FAM89A: variants seen among roughly 807,000 people sequenced by gnomAD.
The protein encoded by FAM89A is family with sequence similarity 89 member A.
Under a neutral mutation model 7.1 loss-of-function variants are expected in FAM89A, and 10 were observed. The ratio of observed to expected loss-of-function variants is 1.40; its 90% CI spans 0.86 to 2.38. The LOEUF (loss-of-function observed/expected upper bound fraction) is 2.38. Among genes scored for constraint, FAM89A ranks in the 30% most tolerant of loss-of-function variants. The pLI is 0.00. For missense variants in FAM89A, 276 were observed against 262.8 expected (o/e 1.05, Z -0.35); for synonymous variants, 157 against 129.3 (o/e 1.21, Z -1.45).
chr1:231,032,482 AG>A (rs1680092008), intron 1 of FAM89A, among the ~76,000 whole-genome samples: 1 of 149,924 alleles, frequency 6.7e-6, no homozygotes, highest in Non-Finnish European at 1.5e-5. Flanking sequence ...TCAGTCTTGG[AG>A]GTACAACATG....
In FAM89A at chr1:231,020,100, G is replaced by A; in HGVS notation, c.318C>T (p.Ser106=). 1 of 1,612,130 alleles carries A rather than the reference G, an allele frequency of 6.2e-7. No individual in the cohort carries two copies. Among genetic ancestry groups the A allele is most frequent in the Non-Finnish European group, 8.5e-7 (1 of 1,178,556 alleles). ...EMVGLRQLDM[S]LLCQLYSLYE... Reference sequence around the variant, plus strand: ...AGAGGCTGTACAGTTGGCAGAGCAAGGACATGTCCAGCTGGCGGAGACCAA... The same window carrying A: ...AGAGGCTGTACAGTTGGCAGAGCAAAGACATGTCCAGCTGGCGGAGACCAA... The change falls in exon 2 of 2, where the codon TCC becomes TCT. Residue 106 remains serine (S), a synonymous_variant. Transcript: ENST00000366654.
chr1:231,030,027 G>A (rs974827499), intron 1 of FAM89A, among the ~76,000 whole-genome samples: 3 of 152,174 alleles, frequency 2.0e-5, no homozygotes, highest in Non-Finnish European at 4.4e-5. Context: ...AGTTGGAGAC[G>A]GGCTATGAGC....
chr1:231,031,670 T>C (rs1372470577), intron 1 of FAM89A, among the ~76,000 whole-genome samples: 1 of 152,232 alleles, frequency 6.6e-6, no homozygotes, highest in African/African-American at 2.4e-5. Flanking sequence ...TTGTAGTAGT[T>C]TAGCATATAT....
At chr1:231,033,095 C>CT (rs1012150829) in intron 1 of FAM89A, among the ~76,000 whole-genome samples, 1 of 152,230 alleles carries the variant, frequency 6.6e-6, no homozygotes, top group Non-Finnish European at 1.5e-5. Flanking sequence ...GGGTGACCAT[C>CT]TGTGTTAAGT....
At chr1:231,021,990 C>T (rs1439425806) in intron 1 of FAM89A, 26 of 1,325,512 alleles carry the variant, frequency 2.0e-5, no homozygotes, top group Non-Finnish European at 2.6e-5. Context: ...CTCAGGCCCT[C>T]GGGTACTGTC....
rs544057376 is a variant in FAM89A at position 231,037,883 on chromosome 1, G to A, written c.291+2038C>T. On this transcript the variant is annotated intron_variant, in intron 1 of 1. Coordinates refer to ENST00000366654, the MANE Select transcript of FAM89A (RefSeq NM_198552.3). ...CTTTAAAAAAAAAAATTTCTTTAAG[G>A]CATTTATCACATTCTACCATGACAT... Among the ~76,000 whole-genome samples, 5 of 152,052 alleles carry A rather than the reference G, an allele frequency of 3.3e-5. No individual in the cohort carries two copies. The South Asian group carries it at 1.0e-3, about 32-fold the overall frequency.
intron 1 of FAM89A, among the ~76,000 whole-genome samples, chr1:231,023,532 C>A (rs1477190004): frequency 6.6e-6 from 1 of 152,216 alleles, no homozygotes; most frequent in East Asian, 1.9e-4. Context: ...GGGAAAGGGG[C>A]CACTTCTGGC....
intron 1 of FAM89A, among the ~76,000 whole-genome samples, chr1:231,028,028 G>T (rs905548715): frequency 1.3e-5 from 2 of 152,226 alleles, no homozygotes; most frequent in African/African-American, 4.8e-5. Context: ...CAGAAACTCA[G>T]AGCAGACAGG....
rs548182606 is a variant in FAM89A at position 231,035,492 on chromosome 1, C to T, written c.291+4429G>A. 1.1e-4 allele frequency among the ~76,000 whole-genome samples: 17 copies of T among 152,236 alleles called. No individual in the cohort carries two copies. The South Asian group carries it at 1.2e-3, about 11-fold the overall frequency. On this transcript the variant is annotated intron_variant, in intron 1 of 1. Transcript: ENST00000366654. ...ATGCTGCTCCTCAAAGATCTCCTGC[C>T]CCCAGGGCTGAAGGTCTTTGTGTCT... is the stretch of plus-strand genomic sequence containing the variant.
At chr1:231,025,157 T>C (rs1373616496) in intron 1 of FAM89A, among the ~76,000 whole-genome samples, 1 of 151,116 alleles carries the variant, frequency 6.6e-6, no homozygotes, top group Non-Finnish European at 1.5e-5. Flanking sequence ...CTTCTGACCT[T>C]GTGATCCACC....
At chr1:231,022,970 A>C (rs1309004705) in intron 1 of FAM89A, among the ~76,000 whole-genome samples, 1 of 152,114 alleles carries the variant, frequency 6.6e-6, no homozygotes, top group Non-Finnish European at 1.5e-5. Context: ...AGGACATGCA[A>C]GATAAATAGG....
chr1:231,024,520 GCACACACACA>G (rs3220109), intron 1 of FAM89A, among the ~76,000 whole-genome samples: 3 of 144,436 alleles, frequency 2.1e-5, no homozygotes, highest in African/African-American at 7.7e-5. Context: ...TACATTGCAT[GCACACACACA>G]CACACACACA....
Position 231,039,932 on chromosome 1 carries a change from G to C in FAM89A, c.280C>G (p.Arg94Gly). Residue 94 changes from arginine (R) to glycine (G), a missense_variant, in exon 1 of 2, where the codon CGC becomes GGC. Coordinates refer to ENST00000366654, the MANE Select transcript of FAM89A (RefSeq NM_198552.3). ...PNLDAALALLRKEMVGLRQLD... is the reference protein window; with the variant it reads ...PNLDAALALLGKEMVGLRQLD... ...GGAGCCCCACTCACCATCTCTTTGC[G>C]GAGCAGCGCCAGAGCGGCGTCCAGG... 4 of 1,339,908 alleles carry C rather than the reference G, an allele frequency of 3.0e-6. No individual in the cohort carries two copies. Among genetic ancestry groups the C allele is most frequent in the East Asian group, 3.1e-5 (1 of 32,276 alleles). The allele number at this position is 1,339,908 out of a possible 1,614,324, so 83.0% of individuals were successfully genotyped here.
At chr1:231,024,333 T>C (rs144719980) in intron 1 of FAM89A, among the ~76,000 whole-genome samples, 1 of 152,152 alleles carries the variant, frequency 6.6e-6, no homozygotes, top group Non-Finnish European at 1.5e-5. Flanking sequence ...TAAGATAGTA[T>C]GGCTTTCACA....
At chr1:231,036,659 G>A (rs951974682) in intron 1 of FAM89A, among the ~76,000 whole-genome samples, 1 of 151,980 alleles carries the variant, frequency 6.6e-6, no homozygotes, top group African/African-American at 2.4e-5. Flanking sequence ...TCAGCCCTGG[G>A]CTCCAGCTCT....
chr1:231,033,361 G>C (rs913428880), intron 1 of FAM89A, among the ~76,000 whole-genome samples: 1 of 152,210 alleles, frequency 6.6e-6, no homozygotes, highest in African/African-American at 2.4e-5. Context: ...TCAAAGTGGG[G>C]TCTAAAGTCT....
chr1:231,029,799 A>G (rs1282593955), intron 1 of FAM89A, among the ~76,000 whole-genome samples: 3 of 152,264 alleles, frequency 2.0e-5, no homozygotes, highest in Non-Finnish European at 1.5e-5. Context: ...ATGAGTAAGT[A>G]TATACAGATG....
At chr1:231,034,566 AG>A (rs1010591062) in intron 1 of FAM89A, among the ~76,000 whole-genome samples, 4 of 152,062 alleles carry the variant, frequency 2.6e-5, no homozygotes, top group African/African-American at 9.7e-5. Context: ...TGAGGTCAGA[AG>A]TTCGAGACCA....
At chr1:231,036,410 T>C (rs532604517) in intron 1 of FAM89A, among the ~76,000 whole-genome samples, 1 of 152,302 alleles carries the variant, frequency 6.6e-6, no homozygotes, top group East Asian at 1.9e-4. Context: ...AAAGATATTC[T>C]CTGATGTAAA....
Sources: gnomAD v4.1 joint callset for allele counts (sites outside exome capture counted in the v4.1 genomes callset) on GRCh38, gnomAD v4.1.1 for gene constraint, MANE v1.5 for transcripts, NCBI Gene and HGNC (gene_info 2026-07-23, HGNC 2026-07-21) for gene names.